The following CASK variants were observed in gnomAD, a reference collection of about 807,000 sequenced individuals.
The protein encoded by CASK is calcium/calmodulin dependent serine protein kinase.
A neutral mutation model predicts 82.9 loss-of-function variants in CASK; 4 were observed. That is an observed-to-expected ratio of 0.05 (90% CI 0.02 to 0.11). The LOEUF (loss-of-function observed/expected upper bound fraction) is 0.11, where lower values mean the gene tolerates loss of function less well. Among genes scored for constraint, CASK ranks in the 10% least tolerant of loss-of-function variants. The pLI, the probability that CASK is intolerant of heterozygous loss-of-function variation, is 1.00. For missense variants in CASK, 358 were observed against 720.9 expected (o/e 0.50, Z 5.76); for synonymous variants, 259 against 253.5 (o/e 1.02, Z -0.20).
chrX:41,625,477 T>G (rs2066353666), intron 10 of CASK, among the ~76,000 whole-genome samples: 1 of 110,889 alleles, frequency 9.0e-6, no homozygotes, highest in Admixed American at 9.6e-5. Flanking sequence ...TGAGCCACTG[T>G]GCCTGGCCTT....
chrX:41,534,662 G>GTGAT (rs1203495026), intron 24 of CASK, 44 bp downstream of exon 24: 2 of 1,001,201 alleles, frequency 2.0e-6, no homozygotes, highest in African/African-American at 1.9e-5. Flanking sequence ...AGTTAAAAAA[G>GTGAT]TGATAGGAAA....
At chrX:41,786,911 C>T in intron 3 of CASK, 1 of 312,353 alleles carries the variant, frequency 3.2e-6, no homozygotes. Context: ...AGTTTGGGGT[C>T]CTCCTATTCC....
At chrX:41,832,049 C>T (rs769092561) in intron 2 of CASK, among the ~76,000 whole-genome samples, 129 of 109,331 alleles carry the variant, frequency 1.2e-3, no homozygotes, top group African/African-American at 4.0e-3. Flanking sequence ...AAAAAAAACA[C>T]TAAGCTTTAA....
intron 2 of CASK, among the ~76,000 whole-genome samples, chrX:41,801,579 G>GCTGATATGCCTGT (rs1352825812): frequency 9.0e-6 from 1 of 111,715 alleles, no homozygotes; most frequent in African/African-American, 3.3e-5. Context: ...TAAGAAGCAC[G>GCTGATATGCCTGT]CTGATATGCC....
chrX:41,551,604 T>C (rs996447886), intron 21 of CASK, among the ~76,000 whole-genome samples: 2 of 110,548 alleles, frequency 1.8e-5, no homozygotes, highest in African/African-American at 6.6e-5. Context: ...CACATAAAAA[T>C]TGGTCACTGA....
chrX:41,598,150 C>T (rs980652788), intron 12 of CASK, among the ~76,000 whole-genome samples: 1 of 109,816 alleles, frequency 9.1e-6, no homozygotes, highest in Non-Finnish European at 1.9e-5. Context: ...CACACACACA[C>T]ACACACACAC....
intron 22 of CASK, among the ~76,000 whole-genome samples, chrX:41,535,402 C>T (rs748879951): frequency 9.0e-6 from 1 of 110,683 alleles, no homozygotes; most frequent in South Asian, 3.8e-4. Flanking sequence ...CTAAAGTTAA[C>T]CAGGAGAGGG....
At chrX:41,855,022 T>C (rs1332577178) in intron 1 of CASK, among the ~76,000 whole-genome samples, 2 of 112,269 alleles carry the variant, frequency 1.8e-5, no homozygotes, top group Non-Finnish European at 3.8e-5. Context: ...AATAGTCTGC[T>C]TCAATTCACT....
At chrX:41,587,185 C>T (rs2065669770) in intron 13 of CASK, 198 bp from the exon 14 acceptor site, 2 of 365,457 alleles carry the variant, frequency 5.5e-6, no homozygotes, top group Admixed American at 9.6e-5. Flanking sequence ...GCAAATTGTT[C>T]TAAAAGTCTG....
At chrX:41,885,303 G>C (rs1056916638) in intron 1 of CASK, among the ~76,000 whole-genome samples, 1 of 111,905 alleles carries the variant, frequency 8.9e-6, no homozygotes, top group African/African-American at 3.2e-5. Flanking sequence ...ATCAACTTAA[G>C]TTTCTCTCAG....
intron 5 of CASK, among the ~76,000 whole-genome samples, chrX:41,738,777 C>T (rs1162226250): frequency 9.0e-6 from 1 of 111,308 alleles, no homozygotes; most frequent in Admixed American, 9.6e-5. Context: ...GGAAGGCCTA[C>T]TGGTCTCATT....
intron 5 of CASK, chrX:41,728,887 G>T (rs1450049175): frequency 8.1e-6 from 1 of 123,716 alleles, no homozygotes; most frequent in Non-Finnish European, 1.9e-5. Flanking sequence ...TCTGGCTCAT[G>T]TTATTGGGGA....
At chrX:41,665,163 T>G (rs1602431153) in intron 7 of CASK, 114 bp downstream of exon 7, 1 of 625,158 alleles carries the variant, frequency 1.6e-6, no homozygotes, top group Non-Finnish European at 2.6e-6. Context: ...TTTTCTCTGA[T>G]GGGGTAACTA....
intron 5 of CASK, among the ~76,000 whole-genome samples, chrX:41,700,549 A>G (rs1270472964): frequency 1.9e-5 from 2 of 105,854 alleles, no homozygotes; most frequent in Non-Finnish European, 3.9e-5. Flanking sequence ...CCTAGATGAT[A>G]TATGAGAAAA....
In CASK at chrX:41,543,050, AGAT is replaced by A. The variant is rs1397051531; in HGVS notation, c.2040-247_2040-245del. Among the ~76,000 whole-genome samples, 6 of 112,435 alleles carry A rather than the reference AGAT, an allele frequency of 5.3e-5. No individual in the cohort carries two copies. The Admixed American group carries it at 5.7e-4, about 11-fold the overall frequency. On this transcript the variant is annotated intron_variant, in intron 21 of 26. Transcript: ENST00000378163. ...TGAACATATACTGACAACTCAGATT[AGAT>A]GCCTAAACATGTGGCCATGAGATAC...
chrX:41,804,659 G>T (rs909095122), intron 2 of CASK, among the ~76,000 whole-genome samples: 11 of 111,540 alleles, frequency 9.9e-5, no homozygotes, highest in African/African-American at 3.3e-4. Flanking sequence ...GTTCAACACA[G>T]GTCCTGGCTC....
intron 1 of CASK, among the ~76,000 whole-genome samples, chrX:41,915,972 A>G (rs1387406282): frequency 9.0e-6 from 1 of 111,117 alleles, no homozygotes. Flanking sequence ...TGGGCGACAG[A>G]GTGAGACTCC....
chrX:41,614,888 G>A (rs957563471), intron 11 of CASK, among the ~76,000 whole-genome samples: 10 of 110,212 alleles, frequency 9.1e-5, no homozygotes, highest in Non-Finnish European at 1.3e-4. Flanking sequence ...GCACAATCTC[G>A]GCTCACTGCA....
intron 8 of CASK, among the ~76,000 whole-genome samples, chrX:41,649,315 T>G (rs1288426242): frequency 8.9e-6 from 1 of 111,767 alleles, no homozygotes; most frequent in Admixed American, 9.5e-5. Flanking sequence ...TGTTTGCTCT[T>G]GTTTCTCTAG....
Sources: allele counts gnomAD v4.1 joint callset (sites outside exome capture counted in the v4.1 genomes callset), GRCh38; gene constraint gnomAD v4.1.1; transcripts MANE v1.5; gene names NCBI Gene and HGNC (gene_info 2026-07-23, HGNC 2026-07-21).